MMAA: variants seen among roughly 807,000 people sequenced by gnomAD.
The protein encoded by MMAA is metabolism of cobalamin associated A, also known as methylmalonic aciduria type A protein, mitochondrial.
MMAA carries 41 observed loss-of-function variants against 45.0 expected under a neutral mutation model. The observed-to-expected ratio is 0.91, with a 90% CI of 0.71 to 1.18. The LOEUF is 1.18. Ranked by LOEUF, MMAA falls within the 50% of genes most tolerant of loss-of-function variation. MMAA has a pLI of 0.00. For synonymous variants in MMAA, 154 were observed against 178.2 expected (o/e 0.86, Z 1.08); for missense variants, 460 against 495.7 (o/e 0.93, Z 0.68).
At position 145,643,785 on chromosome 4, in the gene MMAA, C is replaced by T. The variant is rs144639053; in HGVS notation, c.562+1300C>T. 3.3e-3 allele frequency among the ~76,000 whole-genome samples: 500 copies of T among 151,952 alleles called. 5 individuals carry two copies. The highest frequency in any genetic ancestry group is 0.012 in the African/African-American group (480 of 41,446). On this transcript the variant is annotated intron_variant, in intron 3 of 6. Coordinates refer to ENST00000649156, the MANE Select transcript of MMAA (RefSeq NM_172250.3). The stretch of plus-strand genomic sequence containing the variant: ...TTTATATATAGGTGAGAAGGCCATT[C>T]CCCCATTTTCACAATATTCTAGAAT...
chr4:145,620,473 AAC>A (rs1248789314), intron 1 of MMAA, among the ~76,000 whole-genome samples: 11 of 152,246 alleles, frequency 7.2e-5, no homozygotes, highest in African/African-American at 2.7e-4. Context: ...GATTTTCTCC[AAC>A]ACAGGCCAAA....
At chr4:145,633,196 C>CTTTTTTTTTTTTTTT (rs941603291) in intron 1 of MMAA, among the ~76,000 whole-genome samples, 1 of 88,476 alleles carries the variant, frequency 1.1e-5, no homozygotes, top group Non-Finnish European at 2.2e-5. Context: ...ATTTCTTTTT[C>CTTTTTTTTTTTTTTT]TTTTTTTTTT....
rs1161761799 is a variant in MMAA, at chr4:145,658,485, A to G, written c.*3051A>G. On this transcript the variant is annotated 3_prime_UTR_variant, in exon 7 of 7. Transcript: ENST00000649156. ...AACTGACAGACATTTTGCTAAAACA[A>G]TATCAAATCTCATTAAAATGATGAC... is the stretch of plus-strand genomic sequence containing the variant. 1 of 152,188 alleles carries G rather than the reference A, an allele frequency of 6.6e-6. No homozygotes were observed. Among genetic ancestry groups the G allele is most frequent in the Non-Finnish European group, 1.5e-5 (1 of 68,034 alleles). 9.4% of individuals were successfully genotyped at this position (152,188 alleles called of 1,614,324 possible).
At chr4:145,650,109 G>A (rs1436476990) in intron 4 of MMAA, among the ~76,000 whole-genome samples, 2 of 152,192 alleles carry the variant, frequency 1.3e-5, no homozygotes, top group African/African-American at 2.4e-5. Flanking sequence ...GATAGTTGGA[G>A]GAGTTTGTGA....
At position 145,659,107 on chromosome 4, in the gene MMAA, A is replaced by G. The variant is rs1025332810; in HGVS notation, c.*3673A>G. 1.3e-5 allele frequency: 2 copies of G among 152,202 alleles called. No individual in the cohort carries two copies. The highest frequency in any genetic ancestry group is 6.5e-5 in the Admixed American group (1 of 15,286). The allele number at this position is 152,202 out of a possible 1,614,324, so 9.4% of individuals were successfully genotyped here. A position where few individuals can be genotyped will look rare whatever the true frequency, so the allele number is the denominator to read the frequency against. ...TGAACATGTCAAAACTTTCCTTTAAAAGGAACAATCAGAAAAACTCTTTAA... is the reference window on the plus strand; with the variant it reads ...TGAACATGTCAAAACTTTCCTTTAAGAGGAACAATCAGAAAAACTCTTTAA... On this transcript the variant is annotated 3_prime_UTR_variant, in exon 7 of 7. Transcript: ENST00000649156.
intron 2 of MMAA, among the ~76,000 whole-genome samples, chr4:145,640,627 C>T (rs1035461064): frequency 5.3e-5 from 8 of 151,656 alleles, no homozygotes; most frequent in Admixed American, 6.6e-5. Flanking sequence ...AGTGCTGGGA[C>T]TACAGGCATG....
rs760236568 is a variant in MMAA at position 145,654,007 on chromosome 4, GTA to G, written c.836_837del (p.Ile279AsnfsTer11). 5 of 1,614,134 alleles carry G rather than the reference GTA, an allele frequency of 3.1e-6. No homozygotes were observed. Among genetic ancestry groups the G allele is most frequent in the Non-Finnish European group, 4.2e-6 (5 of 1,180,006 alleles). On this transcript the variant is annotated frameshift_variant, in exon 6 of 7. Coordinates refer to ENST00000649156, the MANE Select transcript of MMAA (RefSeq NM_172250.3). LOFTEE classifies it high-confidence loss of function. The stretch of plus-strand genomic sequence containing the variant: ...TGATCTCTTTAGGGTATCAAAAGGG[GTA>G]TAATCGAGATGGCAGATCTGGTAGC...
chr4:145,634,290 C>G (rs955343749), intron 1 of MMAA, among the ~76,000 whole-genome samples: 2 of 152,154 alleles, frequency 1.3e-5, no homozygotes, highest in Non-Finnish European at 2.9e-5. Context: ...GCATCCTTCC[C>G]ATTCTTTCCT....
rs1371504548 is a variant in MMAA at position 145,646,161 on chromosome 4, G to A, written c.733+5G>A. The A allele has an allele frequency of 6.2e-7, 1 of 1,613,970 alleles. No homozygotes were observed. The highest frequency in any genetic ancestry group is 1.3e-5 in the African/African-American group (1 of 75,044). ...TAATTCTTATTGAAACCGTTGGTGA[G>A]TGTGATATTCTATTTCATAACAATG... On this transcript the variant is annotated splice_donor_5th_base_variant and intron_variant, in intron 4 of 6. Transcript: ENST00000649156.
chr4:145,630,088 TC>T (rs1734301366), intron 1 of MMAA, among the ~76,000 whole-genome samples: 1 of 152,234 alleles, frequency 6.6e-6, no homozygotes, highest in African/African-American at 2.4e-5. Context: ...TGGTATTAGT[TC>T]TTTAAATGTT....
At position 145,657,516 on chromosome 4, in the gene MMAA, TATG is replaced by T. The variant is rs1187428078; in HGVS notation, c.*2085_*2087del. On this transcript the variant is annotated 3_prime_UTR_variant, in exon 7 of 7. Coordinates refer to ENST00000649156, the MANE Select transcript of MMAA (RefSeq NM_172250.3). Reference sequence around the variant, plus strand: ...TCTCAGCTCTATCACTAACTAGCTATATGATATTTGGCAAGTTTTTTCTCTATG... The same window carrying T: ...TCTCAGCTCTATCACTAACTAGCTATATATTTGGCAAGTTTTTTCTCTATG... 1.3e-5 allele frequency: 2 copies of T among 152,228 alleles called. No individual in the cohort carries two copies. The highest frequency in any genetic ancestry group is 2.9e-5 in the Non-Finnish European group (2 of 68,040). The allele number at this position is 152,228 out of a possible 1,614,324, so 9.4% of individuals were successfully genotyped here.
rs879610391 is a variant in MMAA, at chr4:145,625,871, G to A, written c.-66+6464G>A. ...TAAGACGTTCCAGATGACGGGTTATGCAACTGTGAATCTGAGCTTTGACCT... is the reference window on the plus strand; with the variant it reads ...TAAGACGTTCCAGATGACGGGTTATACAACTGTGAATCTGAGCTTTGACCT... On this transcript the variant is annotated intron_variant, in intron 1 of 6. Transcript: ENST00000649156. The A allele has an allele frequency of 6.3e-5, 89 of 1,403,752 alleles. 5 individuals are homozygous for A. Among genetic ancestry groups the A allele is most frequent in the Non-Finnish European group, 1.2e-5 (12 of 995,938 alleles). 87.0% of individuals were successfully genotyped at this position (1,403,752 alleles called of 1,614,324 possible).
At chr4:145,625,540 A>T in intron 1 of MMAA, 2 of 751,152 alleles carry the variant, frequency 2.7e-6, no homozygotes, top group Non-Finnish European at 5.0e-6. Context: ...TAAGCCATCA[A>T]GTGCTCAGAA....
intron 1 of MMAA, among the ~76,000 whole-genome samples, chr4:145,638,794 G>C (rs920554515): frequency 1.3e-5 from 2 of 151,990 alleles, no homozygotes; most frequent in Non-Finnish European, 2.9e-5. Flanking sequence ...CTACCCTAGT[G>C]GTATTTTATA....
At chr4:145,626,139 C>G (rs887564281) in intron 1 of MMAA, 1 of 497,678 alleles carries the variant, frequency 2.0e-6, no homozygotes, top group African/African-American at 1.9e-5. Flanking sequence ...AAAGCTGATT[C>G]GATTATTGAT....
Position 145,655,868 on chromosome 4 carries a change from C to T in MMAA, c.*434C>T, listed in dbSNP as rs72950841. 2,091 of 153,912 alleles carry T rather than the reference C, an allele frequency of 0.014. 46 individuals are homozygous for T. The highest frequency in any genetic ancestry group is 0.048 in the African/African-American group (1,991 of 41,510). The allele number at this position is 153,912 out of a possible 1,614,324, so 9.5% of individuals were successfully genotyped here. On this transcript the variant is annotated 3_prime_UTR_variant, in exon 7 of 7. Transcript: ENST00000649156. ...CAACACACAGTGGGTTGCTAAGAGC[C>T]GACAATCATAATTGACATTTAGTGT...
intron 1 of MMAA, among the ~76,000 whole-genome samples, chr4:145,622,402 G>A (rs1244193021): frequency 6.6e-6 from 1 of 151,978 alleles, no homozygotes; most frequent in African/African-American, 2.4e-5. Context: ...CCAGTCTCGG[G>A]TATGTCTTTA....
chr4:145,644,352 A>G (rs1727871262), intron 3 of MMAA, among the ~76,000 whole-genome samples: 1 of 152,242 alleles, frequency 6.6e-6, no homozygotes, highest in African/African-American at 2.4e-5. Flanking sequence ...AAGTTGATGT[A>G]TGGGGTACAT....
intron 1 of MMAA, among the ~76,000 whole-genome samples, chr4:145,627,391 A>G (rs1734225999): frequency 6.6e-6 from 1 of 152,170 alleles, no homozygotes; most frequent in South Asian, 2.1e-4. Context: ...ACACAGGTTA[A>G]GATTGTTACC....
Sources: gnomAD v4.1 joint callset for allele counts (sites outside exome capture counted in the v4.1 genomes callset) on GRCh38, gnomAD v4.1.1 for gene constraint, MANE v1.5 for transcripts, NCBI Gene and HGNC (gene_info 2026-07-23, HGNC 2026-07-21) for gene names.